PLD5: variants seen among roughly 807,000 people sequenced by gnomAD.
PLD5 encodes the protein phospholipase D family member 5.
PLD5 carries 36 observed loss-of-function variants against 61.1 expected under a neutral mutation model. That is an observed-to-expected ratio of 0.59 (90% confidence interval 0.45 to 0.78). The LOEUF (loss-of-function observed/expected upper bound fraction) is 0.78, where lower values mean the gene tolerates loss of function less well. Ranked by LOEUF, PLD5 falls within the 30% of genes least tolerant of loss-of-function variation. PLD5 has a pLI of 0.00. For synonymous variants in PLD5, 243 were observed against 242.8 expected, an observed-to-expected ratio of 1.00 and a Z score of -0.01; for missense variants, 515 against 644.4, an observed-to-expected ratio of 0.80 and a Z score of 2.17.
intron 5 of PLD5, among the ~76,000 whole-genome samples, chr1:242,150,517 T>C (rs994526142): frequency 1.3e-5 from 2 of 151,876 alleles, no homozygotes; most frequent in African/African-American, 4.8e-5. Flanking sequence ...AGGATTATTA[T>C]GGATTCTTGG....
At position 242,441,759 on chromosome 1, in the gene PLD5, C is replaced by T. The variant is rs116497894; in HGVS notation, c.189+82329G>A. On this transcript the variant is annotated intron_variant, in intron 1 of 9. Transcript: ENST00000536534. ...GGGGAGCCACCGAGCCCACCTTCTG[C>T]GAGAGCCCAAGAGGTCTCACCATTG... is the stretch of plus-strand genomic sequence containing the variant. Among the ~76,000 whole-genome samples, 308 of 152,146 alleles carry T rather than the reference C, an allele frequency of 2.0e-3. 2 individuals carry two copies. Among genetic ancestry groups the T allele is most frequent in the Non-Finnish European group, 3.6e-3 (244 of 68,020 alleles).
At chr1:242,297,402 ACTTT>A (rs1474988511) in intron 2 of PLD5, among the ~76,000 whole-genome samples, 3,229 of 129,458 alleles carry the variant, frequency 0.025, 151 homozygotes, top group African/African-American at 0.078. Flanking sequence ...ACCCTTCAAG[ACTTT>A]TTTTTTTTTT....
intron 1 of PLD5, among the ~76,000 whole-genome samples, chr1:242,395,097 ATATG>A (rs1367636595): frequency 2.1e-5 from 3 of 146,288 alleles, no homozygotes; most frequent in East Asian, 2.0e-4. Context: ...ATATGAATAT[ATATG>A]TATGTATATG....
intron 9 of PLD5, among the ~76,000 whole-genome samples, chr1:242,097,281 G>A (rs944172581): frequency 6.6e-6 from 1 of 152,104 alleles, no homozygotes; most frequent in East Asian, 1.9e-4. Context: ...AGGATGGCTG[G>A]GTCAAATGGT....
At chr1:242,398,707 G>A (rs1663747033) in intron 1 of PLD5, among the ~76,000 whole-genome samples, 3 of 152,122 alleles carry the variant, frequency 2.0e-5, no homozygotes, top group South Asian at 4.1e-4. Flanking sequence ...GTACAACGAG[G>A]AGAATAATAC....
At chr1:242,297,518 C>T (rs1455302601) in intron 2 of PLD5, among the ~76,000 whole-genome samples, 1 of 151,550 alleles carries the variant, frequency 6.6e-6, no homozygotes, top group Non-Finnish European at 1.5e-5. Context: ...GATCCTTCTG[C>T]CTTAGTACCC....
intron 1 of PLD5, among the ~76,000 whole-genome samples, chr1:242,483,781 T>C (rs1412281157): frequency 6.6e-6 from 1 of 152,150 alleles, no homozygotes; most frequent in Non-Finnish European, 1.5e-5. Context: ...ACACCACACC[T>C]ATTCCAAAAT....
chr1:242,392,779 G>C (rs560509276), intron 1 of PLD5, among the ~76,000 whole-genome samples: 1 of 152,146 alleles, frequency 6.6e-6, no homozygotes, highest in Non-Finnish European at 1.5e-5. Flanking sequence ...CACCTTGGGA[G>C]TTTTGGTAAT....
At chr1:242,105,610 T>C (rs1408946234) in intron 8 of PLD5, among the ~76,000 whole-genome samples, 3 of 152,112 alleles carry the variant, frequency 2.0e-5, no homozygotes, top group Non-Finnish European at 4.4e-5. Flanking sequence ...ATAAATGATA[T>C]AGAGAACAGA....
chr1:242,444,978 C>A (rs1420920243), intron 1 of PLD5, among the ~76,000 whole-genome samples: 2 of 152,008 alleles, frequency 1.3e-5, no homozygotes, highest in African/African-American at 2.4e-5. Context: ...CAGCTTTTCT[C>A]TTAAGTTATG....
At chr1:242,388,206 G>A (rs527978362) in intron 1 of PLD5, among the ~76,000 whole-genome samples, 394 of 152,348 alleles carry the variant, frequency 2.6e-3, no homozygotes, top group Non-Finnish European at 4.2e-3. Flanking sequence ...AGAAGGGGAT[G>A]TGAGGTTTAA....
intron 2 of PLD5, among the ~76,000 whole-genome samples, chr1:242,314,003 T>C (rs1210719528): frequency 6.6e-6 from 1 of 152,142 alleles, no homozygotes; most frequent in South Asian, 2.1e-4. Context: ...CTAGACTTAG[T>C]GGTCACTTTA....
At chr1:242,326,810 G>A (rs1384470114) in intron 2 of PLD5, among the ~76,000 whole-genome samples, 1 of 151,642 alleles carries the variant, frequency 6.6e-6, no homozygotes, top group East Asian at 1.9e-4. Context: ...TAGCTCAAGT[G>A]ATCCTCCCAC....
intron 1 of PLD5, 51 bp downstream of exon 1, chr1:242,524,034 AGGG>A: frequency 6.7e-7 from 1 of 1,486,710 alleles, no homozygotes; most frequent in South Asian, 1.3e-5. Context: ...CACCACGGGG[AGGG>A]TGCATGCGGC....
chr1:242,218,286 T>G (rs556819109), intron 5 of PLD5, among the ~76,000 whole-genome samples: 157 of 152,368 alleles, frequency 1.0e-3, no homozygotes, highest in African/African-American at 3.6e-3. Flanking sequence ...AATTAAGGTA[T>G]GCACATTTGT....
At chr1:242,143,019 CTT>C in intron 5 of PLD5, among the ~76,000 whole-genome samples, 1 of 143,288 alleles carries the variant, frequency 7.0e-6, no homozygotes, top group East Asian at 2.1e-4. Context: ...TGCCTGGCCT[CTT>C]TTTTTTTTTT....
At chr1:242,260,568 G>C (rs1216025195) in intron 4 of PLD5, among the ~76,000 whole-genome samples, 5 of 152,000 alleles carry the variant, frequency 3.3e-5, no homozygotes, top group Non-Finnish European at 5.9e-5. Context: ...GACTTATAAG[G>C]GTTGACAAAA....
At chr1:242,387,835 T>C (rs1285607680) in intron 1 of PLD5, among the ~76,000 whole-genome samples, 1 of 152,034 alleles carries the variant, frequency 6.6e-6, no homozygotes, top group African/African-American at 2.4e-5. Flanking sequence ...GACAACTCTT[T>C]AAGGAAACGT....
At chr1:242,419,673 G>A (rs980905109) in intron 1 of PLD5, among the ~76,000 whole-genome samples, 16 of 145,208 alleles carry the variant, frequency 1.1e-4, no homozygotes, top group Non-Finnish European at 2.2e-4. Context: ...TCGGCCTCCC[G>A]AAGTGCTGGG....
Sources: allele counts gnomAD v4.1 joint callset (sites outside exome capture counted in the v4.1 genomes callset), GRCh38; gene constraint gnomAD v4.1.1; transcripts MANE v1.5; gene names NCBI Gene and HGNC (gene_info 2026-07-23, HGNC 2026-07-21).